Variants in DZIP1 observed in about 807,000 individuals in gnomAD.
DZIP1 encodes the protein cilium assembly protein DZIP1.
DZIP1 carries 97 observed loss-of-function variants against 107.6 expected under a neutral mutation model. The ratio of observed to expected loss-of-function variants is 0.90; its 90% CI spans 0.77 to 1.07. The LOEUF is 1.07. Among genes scored for constraint, DZIP1 ranks in the 50% least tolerant of loss-of-function variants. The pLI is 0.00. For missense variants in DZIP1, 1,035 were observed against 1,063.6 expected, an observed-to-expected ratio of 0.97 and a Z score of 0.37; for synonymous variants, 390 against 386.4, an observed-to-expected ratio of 1.01 and a Z score of -0.11.
At chr13:95,606,142 G>T (rs575654906) in intron 13 of DZIP1, 83 bp from the exon 14 acceptor site, 5 of 1,301,028 alleles carry the variant, frequency 3.8e-6, no homozygotes, top group Non-Finnish European at 4.4e-6. Context: ...CAAATATGCC[G>T]CAAACTAGTC....
intron 6 of DZIP1, chr13:95,630,742 G>T: frequency 5.5e-6 from 7 of 1,280,522 alleles, no homozygotes; most frequent in Non-Finnish European, 7.1e-6. Flanking sequence ...CTGAATGGAT[G>T]TACATGTGTC....
Position 95,630,040 on chromosome 13 carries a change from G to A in DZIP1, c.759C>T (p.Thr253=). 6.2e-7 allele frequency: 1 copy of A among 1,613,844 alleles called. No homozygotes were observed. Among genetic ancestry groups the A allele is most frequent in the Non-Finnish European group, 8.5e-7 (1 of 1,179,838 alleles). ...IVVLKEELQL[T]RSELEAAHHA... ...GGTGTGCAGCCTCTAGCTCAGACCT[G>A]GTGAGCTGCAGCTCTTCCTTCAATA... The change falls in exon 7 of 23, where the codon ACC becomes ACT. Residue 253 remains threonine (T), a synonymous_variant. Coordinates refer to ENST00000376829, the MANE Select transcript of DZIP1 (RefSeq NM_198968.4).
intron 14 of DZIP1, 21 bp downstream of exon 14, chr13:95,605,982 G>A (rs1199931448): frequency 1.2e-6 from 2 of 1,612,664 alleles, no homozygotes; most frequent in South Asian, 2.2e-5. Flanking sequence ...ATAAAACGCT[G>A]AGACTATTAC....
intron 9 of DZIP1, 63 bp downstream of exon 9, chr13:95,622,280 T>C: frequency 1.9e-6 from 3 of 1,606,380 alleles, no homozygotes; most frequent in Non-Finnish European, 2.6e-6. Flanking sequence ...TGACACTCAC[T>C]GTAAATTACT....
chr13:95,589,004 C>T (rs2044239115), intron 19 of DZIP1, 150 bp downstream of exon 19: 1 of 732,970 alleles, frequency 1.4e-6, no homozygotes, highest in African/African-American at 1.8e-5. Context: ...AAAGACATGT[C>T]ACAAATAACA....
Position 95,582,132 on chromosome 13 carries a change from A to AAC in DZIP1, c.*100_*101dup. ...AATCAGTCTCTGTGTTGCTGTGGGA[A>AAC]ACACGGTAAGGCAGAAGCACTAGAA... On this transcript the variant is annotated 3_prime_UTR_variant, in exon 23 of 23. Transcript: ENST00000376829. The AAC allele has an allele frequency of 9.0e-7, 1 of 1,108,956 alleles. No homozygotes were observed. Among genetic ancestry groups the AAC allele is most frequent in the South Asian group, 1.3e-5 (1 of 76,100 alleles). 68.7% of individuals were successfully genotyped at this position (1,108,956 alleles called of 1,614,324 possible).
chr13:95,610,614 G>A (rs2044967415), intron 12 of DZIP1, among the ~76,000 whole-genome samples: 1 of 152,100 alleles, frequency 6.6e-6, no homozygotes, highest in African/African-American at 2.4e-5. Context: ...GGCCTACTAA[G>A]AGCTTAATAT....
chr13:95,599,413 A>G lies in DZIP1; in HGVS notation c.1489T>C (p.Ser497Pro). The change falls in exon 15 of 23, where the codon TCG (serine) becomes CCG (proline). Residue 497 changes from serine (S) to proline (P), a missense_variant. Transcript: ENST00000376829. Reference protein sequence around the residue: ...SLPMVHEQAFSSHILEPIEEL... With the variant: ...SLPMVHEQAFPSHILEPIEEL... ...TCTATTGGTTCCAGTATGTGCGACG[A>G]GAATGCCTGTTCTATTAACAAGGAA... 6.2e-7 allele frequency: 1 copy of G among 1,613,724 alleles called. No individual in the cohort carries two copies. Among genetic ancestry groups the G allele is most frequent in the Non-Finnish European group, 8.5e-7 (1 of 1,179,688 alleles).
At chr13:95,627,247 C>T (rs1486489161) in intron 7 of DZIP1, among the ~76,000 whole-genome samples, 1 of 152,132 alleles carries the variant, frequency 6.6e-6, no homozygotes, top group Non-Finnish European at 1.5e-5. Context: ...ATGTTAGGAA[C>T]ATTCAATGAA....
At chr13:95,612,672 C>T (rs754523251) in intron 10 of DZIP1, among the ~76,000 whole-genome samples, 2 of 152,052 alleles carry the variant, frequency 1.3e-5, no homozygotes, top group African/African-American at 4.8e-5. Flanking sequence ...GCAGCCTCTG[C>T]CTCCTGGCTT....
chr13:95,621,268 G>A (rs1875809963), intron 9 of DZIP1, among the ~76,000 whole-genome samples: 1 of 152,218 alleles, frequency 6.6e-6, no homozygotes, highest in Admixed American at 6.5e-5. Flanking sequence ...ATGGGCTGCT[G>A]GGCCGCTGGA....
At chr13:95,611,318 C>T (rs529344026) in intron 12 of DZIP1, 127 bp downstream of exon 12, 135 of 713,238 alleles carry the variant, frequency 1.9e-4, no homozygotes, top group South Asian at 1.7e-3. Flanking sequence ...GACAGATCTA[C>T]GAAATCAATA....
rs777191690 is a variant in DZIP1 at position 95,579,691 on chromosome 13, T to C, written c.*2543A>G. 1 of 152,022 alleles carries C rather than the reference T, an allele frequency of 6.6e-6. No individual in the cohort carries two copies. The highest frequency in any genetic ancestry group is 1.5e-5 in the Non-Finnish European group (1 of 67,980). 9.4% of individuals were successfully genotyped at this position (152,022 alleles called of 1,614,324 possible). A position where few individuals can be genotyped will look rare whatever the true frequency, so the allele number is the denominator to read the frequency against. On this transcript the variant is annotated 3_prime_UTR_variant, in exon 23 of 23. Transcript: ENST00000376829. ...AAAGAATCACATTGTTCAGAGGTGCTCAATGGAAAGAAAAGGAAATGAACA... is the reference window on the plus strand; with the variant it reads ...AAAGAATCACATTGTTCAGAGGTGCCCAATGGAAAGAAAAGGAAATGAACA...
In DZIP1 at chr13:95,587,718, A is replaced by G. The variant is rs1300903502; in HGVS notation, c.2039T>C (p.Phe680Ser). ...GTCCTCCTGCTCCTCCTCTGAACTA[A>G]AAGGAGGGGTCCTACACAAATCAAC... ...RKSSTITTPPFSSEEEQEDDD... is the reference protein window; with the variant it reads ...RKSSTITTPPSSSEEEQEDDD... Residue 680 changes from phenylalanine to serine, a missense_variant, in exon 20 of 23, where the codon TTT (phenylalanine) becomes TCT (serine). Physicochemically the swap from Phe to Ser is radical, Grantham distance 155. Coordinates refer to ENST00000376829, the MANE Select transcript of DZIP1 (RefSeq NM_198968.4). The G allele has an allele frequency of 6.2e-7, 1 of 1,613,824 alleles. No individual in the cohort carries two copies. The highest frequency in any genetic ancestry group is 8.5e-7 in the Non-Finnish European group (1 of 1,179,942).
At chr13:95,622,229 C>A in intron 9 of DZIP1, 114 bp downstream of exon 9, 1 of 1,349,528 alleles carries the variant, frequency 7.4e-7, no homozygotes, top group Non-Finnish European at 1.0e-6. Context: ...CAGCTAGTCA[C>A]CTTCAGGGTT....
intron 10 of DZIP1, chr13:95,618,020 G>T (rs1875353056): frequency 1.9e-6 from 1 of 518,938 alleles, no homozygotes; most frequent in African/African-American, 1.9e-5. Flanking sequence ...TCGCACTTGA[G>T]AAGCCCATGG....
At position 95,611,588 on chromosome 13, in the gene DZIP1, C is replaced by A. The variant is rs139152737; in HGVS notation, c.1315-95G>T. On this transcript the variant is annotated intron_variant, in intron 11 of 22. Transcript: ENST00000376829. Reference sequence around the variant, plus strand: ...CAGATAATGTTGTTAGTAAATTAACCTTTTCACTAAATTATCCAGGGACAT... The same window carrying A: ...CAGATAATGTTGTTAGTAAATTAACATTTTCACTAAATTATCCAGGGACAT... The A allele has an allele frequency of 2.3e-4, 248 of 1,063,424 alleles. No individual in the cohort carries two copies. The African/African-American group carries it at 3.3e-3, about 14-fold the overall frequency. The allele number at this position is 1,063,424 out of a possible 1,614,324, so 65.9% of individuals were successfully genotyped here. A position where few individuals can be genotyped will look rare whatever the true frequency, so the allele number is the denominator to read the frequency against.
intron 6 of DZIP1, among the ~76,000 whole-genome samples, chr13:95,632,997 C>G (rs904374740): frequency 2.0e-5 from 3 of 152,118 alleles, no homozygotes; most frequent in African/African-American, 7.2e-5. Flanking sequence ...TCTCCTCAAC[C>G]CCCTTTAGAA....
intron 8 of DZIP1, among the ~76,000 whole-genome samples, chr13:95,624,548 C>T (rs941974405): frequency 6.6e-5 from 10 of 152,174 alleles, no homozygotes; most frequent in East Asian, 1.9e-4. Context: ...TATCTCACCA[C>T]GAGTGTTCTG....
Sources: allele counts gnomAD v4.1 joint callset (sites outside exome capture counted in the v4.1 genomes callset), GRCh38; gene constraint gnomAD v4.1.1; transcripts MANE v1.5; gene names NCBI Gene and HGNC (gene_info 2026-07-23, HGNC 2026-07-21).